The following JAZF1 variants were observed in gnomAD, a reference collection of about 807,000 sequenced individuals.
JAZF1 encodes juxtaposed with another zinc finger protein 1.
In JAZF1, 8 loss-of-function variants were observed where a neutral mutation model predicts 26.4. The observed-to-expected ratio is 0.30, with a 90% CI of 0.18 to 0.55. The LOEUF is 0.55. Ranked by LOEUF, JAZF1 falls within the 20% of genes least tolerant of loss-of-function variation. JAZF1 has a pLI of 0.94. For missense variants in JAZF1, 199 were observed against 322.0 expected (o/e 0.62, Z 2.92); for synonymous variants, 126 against 122.3 (o/e 1.03, Z -0.20).
chr7:27,987,939 G>A (rs1583494988), intron 2 of JAZF1, among the ~76,000 whole-genome samples: 3 of 152,166 alleles, frequency 2.0e-5, no homozygotes, highest in Admixed American at 2.0e-4. Flanking sequence ...AGGGTTAAAT[G>A]GATTAAGGGT....
intron 1 of JAZF1, among the ~76,000 whole-genome samples, chr7:28,110,451 A>AG (rs752892969): frequency 7.7e-5 from 4 of 52,032 alleles, no homozygotes; most frequent in Non-Finnish European, 1.5e-4. Context: ...AGAGAGAAAA[A>AG]GGAAAGGAAA....
chr7:28,119,766 C>T (rs774247892), intron 1 of JAZF1, among the ~76,000 whole-genome samples: 4 of 152,198 alleles, frequency 2.6e-5, no homozygotes, highest in Non-Finnish European at 5.9e-5. Flanking sequence ...ATACCCACTA[C>T]GTGCCAGATG....
intron 1 of JAZF1, among the ~76,000 whole-genome samples, chr7:28,099,875 C>T (rs1441043986): frequency 6.6e-6 from 1 of 152,184 alleles, no homozygotes; most frequent in Non-Finnish European, 1.5e-5. Context: ...CTTTTAGTCT[C>T]CAAGATTTCA....
At chr7:28,104,743 A>G (rs1784524987) in intron 1 of JAZF1, among the ~76,000 whole-genome samples, 1 of 152,166 alleles carries the variant, frequency 6.6e-6, no homozygotes, top group African/African-American at 2.4e-5. Flanking sequence ...GACCCACTCA[A>G]TGTCCAACCC....
intron 2 of JAZF1, among the ~76,000 whole-genome samples, chr7:27,895,794 G>A (rs1784053323): frequency 1.3e-5 from 2 of 152,154 alleles, no homozygotes; most frequent in African/African-American, 4.8e-5. Flanking sequence ...CCACTCCTAA[G>A]TAGACAGTGC....
chr7:28,043,586 C>T (rs532744348), intron 1 of JAZF1, among the ~76,000 whole-genome samples: 1 of 152,248 alleles, frequency 6.6e-6, no homozygotes, highest in South Asian at 2.1e-4. Flanking sequence ...CTGGCAGATC[C>T]TCACAAAGTT....
At chr7:27,919,041 A>G (rs1784486143) in intron 2 of JAZF1, among the ~76,000 whole-genome samples, 1 of 152,222 alleles carries the variant, frequency 6.6e-6, no homozygotes, top group Non-Finnish European at 1.5e-5. Context: ...CATGGTTCTT[A>G]AAAGTTAAGA....
At chr7:27,900,719 T>A (rs1784150442) in intron 2 of JAZF1, among the ~76,000 whole-genome samples, 2 of 152,250 alleles carry the variant, frequency 1.3e-5, no homozygotes. Context: ...TTTAAAATTG[T>A]AAAAAGTAAT....
At chr7:28,025,783 C>G (rs1299188370) in intron 1 of JAZF1, among the ~76,000 whole-genome samples, 4 of 152,110 alleles carry the variant, frequency 2.6e-5, no homozygotes, top group Admixed American at 6.5e-5. Context: ...AAATTTTTGG[C>G]CAGGTTTCTG....
intron 3 of JAZF1, among the ~76,000 whole-genome samples, chr7:27,884,391 T>C (rs1783823912): frequency 6.6e-6 from 1 of 152,228 alleles, no homozygotes; most frequent in South Asian, 2.1e-4. Flanking sequence ...CAGCCTCCCG[T>C]GCTGGGATAA....
intron 1 of JAZF1, among the ~76,000 whole-genome samples, chr7:28,013,800 A>G (rs961362846): frequency 6.6e-6 from 1 of 152,130 alleles, no homozygotes; most frequent in African/African-American, 2.4e-5. Context: ...TTAGACTGTG[A>G]TTCCAATTCA....
At chr7:28,014,814 G>A (rs1315077964) in intron 1 of JAZF1, among the ~76,000 whole-genome samples, 1 of 152,174 alleles carries the variant, frequency 6.6e-6, no homozygotes, top group African/African-American at 2.4e-5. Context: ...GGAGTTTCTA[G>A]AACAGAAGTA....
chr7:28,129,787 C>CA (rs1782759478), intron 1 of JAZF1, among the ~76,000 whole-genome samples: 1 of 152,030 alleles, frequency 6.6e-6, no homozygotes, highest in African/African-American at 2.4e-5. Flanking sequence ...TACCCACAAT[C>CA]ACATCATCCA....
intron 1 of JAZF1, among the ~76,000 whole-genome samples, chr7:28,072,425 T>C (rs559460823): frequency 6.6e-6 from 1 of 152,354 alleles, no homozygotes; most frequent in East Asian, 1.9e-4. Flanking sequence ...CAAATAATTG[T>C]TACCATATTT....
chr7:28,158,989 A>G (rs2127951047), intron 1 of JAZF1, among the ~76,000 whole-genome samples: 1 of 152,250 alleles, frequency 6.6e-6, no homozygotes, highest in South Asian at 2.1e-4. Flanking sequence ...GGGCCCTGGG[A>G]ACTGCAGTGC....
intron 2 of JAZF1, among the ~76,000 whole-genome samples, chr7:27,960,177 G>C (rs1422502056): frequency 6.6e-6 from 1 of 152,220 alleles, no homozygotes; most frequent in African/African-American, 2.4e-5. Context: ...TTCCCAGTTA[G>C]ACTTGTTGTG....
intron 2 of JAZF1, among the ~76,000 whole-genome samples, chr7:27,967,012 T>C (rs909003499): frequency 1.3e-5 from 2 of 152,220 alleles, no homozygotes; most frequent in African/African-American, 4.8e-5. Flanking sequence ...ATGCCAGTGA[T>C]AAACCAAGAG....
At position 28,132,039 on chromosome 7, in the gene JAZF1, G is replaced by A. The variant is rs796243415; in HGVS notation, c.115+48424C>T. Among the ~76,000 whole-genome samples the A allele has an allele frequency of 2.8e-4, 42 of 152,254 alleles. 1 individual carries two copies. Among genetic ancestry groups the A allele is most frequent in the African/African-American group, 1.0e-3 (42 of 41,548 alleles). On this transcript the variant is annotated intron_variant, in intron 1 of 4. Transcript: ENST00000283928. ...GATCCTACTACCCTCATGATCAGAT[G>A]CTTCTTGGGTAAAACATTTCCTACT... is the stretch of plus-strand genomic sequence containing the variant.
intron 3 of JAZF1, among the ~76,000 whole-genome samples, chr7:27,848,608 A>G (rs983917451): frequency 2.6e-5 from 4 of 152,218 alleles, no homozygotes; most frequent in African/African-American, 4.8e-5. Flanking sequence ...TCAGCCCAGC[A>G]ATCCCTTTTA....
Sources: gnomAD v4.1 joint callset for allele counts (sites outside exome capture counted in the v4.1 genomes callset) on GRCh38, gnomAD v4.1.1 for gene constraint, MANE v1.5 for transcripts, NCBI Gene and HGNC (gene_info 2026-07-23, HGNC 2026-07-21) for gene names.